The following CACNA1E variants were observed in gnomAD, a reference collection of about 807,000 sequenced individuals.
CACNA1E encodes calcium voltage-gated channel subunit alpha1 E, also known as voltage-dependent R-type calcium channel subunit alpha-1E.
CACNA1E carries 40 observed loss-of-function variants against 259.2 expected under a neutral mutation model. That is an observed-to-expected ratio of 0.15 (90% CI 0.12 to 0.20). CACNA1E has a LOEUF of 0.20. Among genes scored for constraint, CACNA1E ranks in the 10% least tolerant of loss-of-function variants. CACNA1E has a pLI of 1.00. For synonymous variants in CACNA1E, 1,104 were observed against 1,138.5 expected (o/e 0.97, Z 0.61); for missense variants, 1,874 against 3,040.1 (o/e 0.62, Z 9.02).
At chr1:181,338,942 T>C (rs1651931038) in intron 1 of CACNA1E, among the ~76,000 whole-genome samples, 1 of 152,202 alleles carries the variant, frequency 6.6e-6, no homozygotes, top group African/African-American at 2.4e-5. Flanking sequence ...TTATGTATTC[T>C]TGGTGGCCTT....
At chr1:181,570,103 T>C (rs1416511667) in intron 3 of CACNA1E, among the ~76,000 whole-genome samples, 2 of 152,170 alleles carry the variant, frequency 1.3e-5, no homozygotes, top group East Asian at 1.9e-4. Flanking sequence ...GAAACTGATA[T>C]ATTATTTCTC....
intron 2 of CACNA1E, among the ~76,000 whole-genome samples, chr1:181,419,708 A>T (rs917804396): frequency 7.2e-5 from 11 of 152,224 alleles, no homozygotes; most frequent in African/African-American, 2.7e-4. Flanking sequence ...TGAAGTAAAC[A>T]TATTGAGGGG....
chr1:181,495,374 G>A (rs920027769), intron 1 of CACNA1E, among the ~76,000 whole-genome samples: 1 of 152,206 alleles, frequency 6.6e-6, no homozygotes, highest in Non-Finnish European at 1.5e-5. Flanking sequence ...CCCTTGCAGT[G>A]CCTTGGATTT....
chr1:181,350,721 C>T (rs1314861854), intron 1 of CACNA1E, among the ~76,000 whole-genome samples: 7 of 152,146 alleles, frequency 4.6e-5, no homozygotes, highest in Non-Finnish European at 8.8e-5. Context: ...CCCCATGACT[C>T]AAACTTGGAA....
At chr1:181,511,334 C>T (rs887337025) in intron 2 of CACNA1E, 37 bp from the exon 3 acceptor site, 9 of 1,611,876 alleles carry the variant, frequency 5.6e-6, no homozygotes, top group African/African-American at 1.3e-5. Context: ...AAGCACAGTC[C>T]TCTTCTCACT....
intron 3 of CACNA1E, among the ~76,000 whole-genome samples, chr1:181,544,930 T>C (rs927425889): frequency 6.6e-6 from 1 of 152,208 alleles, no homozygotes; most frequent in Non-Finnish European, 1.5e-5. Flanking sequence ...AGCCTTAAGC[T>C]AGCACAGTGG....
At chr1:181,389,166 G>A (rs75985491) in intron 1 of CACNA1E, among the ~76,000 whole-genome samples, 79,874 of 151,762 alleles carry the variant, frequency 0.53, 22,487 homozygotes, top group African/African-American at 0.74. Context: ...TACGTAACGT[G>A]TATTTTCTCC....
intron 6 of CACNA1E, among the ~76,000 whole-genome samples, chr1:181,618,598 T>C (rs1655439114): frequency 6.6e-6 from 1 of 152,128 alleles, no homozygotes; most frequent in Non-Finnish European, 1.5e-5. Context: ...TCTGGTTGAG[T>C]CCTTTGTCCT....
intron 7 of CACNA1E, among the ~76,000 whole-genome samples, chr1:181,678,412 T>C (rs937005646): frequency 6.6e-6 from 1 of 152,246 alleles, no homozygotes; most frequent in African/African-American, 2.4e-5. Context: ...CTGGGAGCAG[T>C]AGCAATGGGC....
rs747112149 is a variant in CACNA1E at position 181,341,208 on chromosome 1, C to G, written c.-15+23085C>G. On this transcript the variant is annotated intron_variant, in intron 1 of 11. Coordinates refer to the CACNA1E transcript ENST00000524607. The stretch of plus-strand genomic sequence containing the variant: ...AGTCTTCCCTCCCCAAAGCCTTGGC[C>G]TTGCTGCTCTGGGTCTGTGCAGGGA... 5.5e-4 allele frequency among the ~76,000 whole-genome samples: 83 copies of G among 152,126 alleles called. 1 individual carries two copies. Among genetic ancestry groups the G allele is most frequent in the Admixed American group, 2.2e-3 (34 of 15,272 alleles).
chr1:181,353,454 A>G (rs1014312404), intron 1 of CACNA1E, among the ~76,000 whole-genome samples: 2 of 152,226 alleles, frequency 1.3e-5, no homozygotes, highest in Non-Finnish European at 2.9e-5. Flanking sequence ...GAAGTCTGAA[A>G]GATAACTTGG....
In CACNA1E at chr1:181,587,941, AG is replaced by A. The variant is rs1652251457; in HGVS notation, c.951+7166del. 2.0e-5 allele frequency among the ~76,000 whole-genome samples: 3 copies of A among 152,354 alleles called. No homozygotes were observed. In the South Asian group the frequency reaches 6.2e-4, roughly 32 times the overall value. On this transcript the variant is annotated intron_variant, in intron 6 of 47. Coordinates refer to ENST00000367573, the MANE Select transcript of CACNA1E (RefSeq NM_001205293.3). ...ACTCTTGAATCTGCTGGACAAATTC[AG>A]TCTGTGGAGTAAGTTGAGAAACCTG...
At chr1:181,682,874 C>T (rs1009784018) in intron 7 of CACNA1E, among the ~76,000 whole-genome samples, 23 of 152,152 alleles carry the variant, frequency 1.5e-4, no homozygotes, top group Non-Finnish European at 1.9e-4. Flanking sequence ...CTCCATGATC[C>T]GGTCACCTTC....
At chr1:181,704,175 G>A (rs1048877899) in intron 7 of CACNA1E, among the ~76,000 whole-genome samples, 1 of 152,172 alleles carries the variant, frequency 6.6e-6, no homozygotes, top group Non-Finnish European at 1.5e-5. Flanking sequence ...AAGGGATAAA[G>A]CATAAACAAC....
chr1:181,751,003 C>G (rs889760362), intron 26 of CACNA1E, among the ~76,000 whole-genome samples: 4 of 151,912 alleles, frequency 2.6e-5, no homozygotes, highest in African/African-American at 7.3e-5. Flanking sequence ...GGGTAGGTAT[C>G]GCAGGAAGGT....
chr1:181,374,567 A>G (rs1654959629), intron 1 of CACNA1E, among the ~76,000 whole-genome samples: 2 of 151,714 alleles, frequency 1.3e-5, no homozygotes, highest in Admixed American at 6.6e-5. Context: ...GGCTCAGGTG[A>G]TCCTCCCATC....
At chr1:181,638,958 T>A (rs758246512) in intron 6 of CACNA1E, among the ~76,000 whole-genome samples, 1 of 152,238 alleles carries the variant, frequency 6.6e-6, no homozygotes, top group Non-Finnish European at 1.5e-5. Flanking sequence ...GGCAGTTCTT[T>A]ATAGCAGTGT....
Position 181,724,553 on chromosome 1 carries a change from T to TG in CACNA1E, c.2142+20dup. 1 of 1,603,932 alleles carries TG rather than the reference T, an allele frequency of 6.2e-7. No homozygotes were observed. Among genetic ancestry groups the TG allele is most frequent in the African/African-American group, 1.3e-5 (1 of 74,898 alleles). On this transcript the variant is annotated intron_variant, in intron 17 of 47. Transcript: ENST00000367573. ...ACTGACCAAGGTAAGCATTGTTTTC[T>TG]GGGGATCTGATGTTTCTCTAGTGCC...
chr1:181,629,948 G>A (rs1656555510), intron 6 of CACNA1E, among the ~76,000 whole-genome samples: 1 of 151,940 alleles, frequency 6.6e-6, no homozygotes, highest in Non-Finnish European at 1.5e-5. Flanking sequence ...TGTCCTGGAG[G>A]CACATTCACA....
Sources: allele counts gnomAD v4.1 joint callset (sites outside exome capture counted in the v4.1 genomes callset), GRCh38; gene constraint gnomAD v4.1.1; transcripts MANE v1.5; gene names NCBI Gene and HGNC (gene_info 2026-07-23, HGNC 2026-07-21).